LRGUK: variants seen among roughly 807,000 people sequenced by gnomAD.
LRGUK encodes the protein leucine rich repeats and guanylate kinase domain containing.
A neutral mutation model predicts 76.0 loss-of-function variants in LRGUK; 65 were observed. The ratio of observed to expected loss-of-function variants is 0.85; its 90% CI spans 0.70 to 1.05. The LOEUF (loss-of-function observed/expected upper bound fraction) is 1.05. LRGUK is among the 50% of genes least tolerant of loss of function. LRGUK has a pLI of 0.00. For missense variants in LRGUK, 758 were observed against 732.8 expected, an observed-to-expected ratio of 1.03 and a Z score of -0.40; for synonymous variants, 268 against 265.6, an observed-to-expected ratio of 1.01 and a Z score of -0.09.
downstream of LRGUK, chr7:134,210,370 A>G (rs1801202450): frequency 2.3e-5 from 9 of 397,580 alleles, no homozygotes; most frequent in Non-Finnish European, 4.0e-5. Flanking sequence ...AAGACCCCCA[A>G]TTACAAGAAG....
intron 2 of LRGUK, among the ~76,000 whole-genome samples, chr7:134,137,909 G>C (rs1194631358): frequency 6.6e-6 from 1 of 152,184 alleles, no homozygotes; most frequent in Non-Finnish European, 1.5e-5. Flanking sequence ...TGGCGAAAGG[G>C]TATGTAATTC....
At chr7:134,264,221 A>G (rs1802813830) in exon 20 of LRGUK, 3 of 354,402 alleles carry the variant, frequency 8.5e-6, no homozygotes, top group Non-Finnish European at 1.5e-5. Context: ...AATGTGAGTT[A>G]TTCTTAGCTT....
At chr7:134,209,182 C>T (rs1801133262) in exon 16 of LRGUK, 2 of 399,330 alleles carry the variant, frequency 5.0e-6, no homozygotes, top group East Asian at 7.1e-5. Context: ...CAGGCCAGGA[C>T]AAGGAGTCAG....
intron 5 of LRGUK, among the ~76,000 whole-genome samples, chr7:134,157,641 G>A (rs918428990): frequency 3.9e-5 from 6 of 152,272 alleles, no homozygotes; most frequent in Middle Eastern, 3.4e-3. Context: ...TCCTGCCTCA[G>A]CCTCCCGAGT....
At chr7:134,232,003 A>T (rs1426043801) in intron 16 of LRGUK, among the ~76,000 whole-genome samples, 1 of 151,340 alleles carries the variant, frequency 6.6e-6, no homozygotes, top group Non-Finnish European at 1.5e-5. Context: ...TTGAATTCTT[A>T]TCATGTATGT....
Position 134,154,412 on chromosome 7 carries a change from T to A in LRGUK, c.671-3623T>A, listed in dbSNP as rs12538357. On this transcript the variant is annotated intron_variant, in intron 5 of 15. Coordinates refer to ENST00000645682, the Ensembl canonical transcript of LRGUK. The stretch of plus-strand genomic sequence containing the variant: ...GGGGAGATAAAGATATTGAAGACCA[T>A]CTATGAACTCAAAGCTCTCTATGGC... 1.8e-3 allele frequency among the ~76,000 whole-genome samples: 268 copies of A among 152,280 alleles called. 4 individuals are homozygous for A. The highest frequency in any genetic ancestry group is 0.01 in the Admixed American group (156 of 15,296).
downstream of LRGUK, among the ~76,000 whole-genome samples, chr7:134,269,006 C>G (rs192511650): frequency 6.7e-3 from 1,017 of 152,112 alleles, 8 homozygotes; most frequent in Non-Finnish European, 0.01. Context: ...ACTGGGATTA[C>G]AGGCATGAGC....
At chr7:134,175,903 A>G (rs1295057130) in intron 8 of LRGUK, among the ~76,000 whole-genome samples, 2 of 152,184 alleles carry the variant, frequency 1.3e-5, no homozygotes, top group Non-Finnish European at 2.9e-5. Context: ...CAAATTCATA[A>G]TAATACAAAT....
intron 7 of LRGUK, among the ~76,000 whole-genome samples, chr7:134,173,103 A>C (rs146323136): frequency 5.4e-5 from 8 of 148,852 alleles, no homozygotes; most frequent in African/African-American, 2.0e-4. Flanking sequence ...AATAGAAAAC[A>C]ATTGATCCCT....
intron 7 of LRGUK, among the ~76,000 whole-genome samples, chr7:134,166,842 A>C (rs1390363250): frequency 6.6e-6 from 1 of 152,204 alleles, no homozygotes; most frequent in Non-Finnish European, 1.5e-5. Flanking sequence ...CCCGGCAAGC[A>C]ATGTGCATTA....
intron 12 of LRGUK, among the ~76,000 whole-genome samples, chr7:134,192,246 C>G (rs1222418): frequency 0.95 from 144,294 of 152,248 alleles, 68,631 homozygotes; most frequent in Non-Finnish European, 0.99. Context: ...GTCCCATTTA[C>G]TTGGCTTGTT....
chr7:134,165,225 C>A, intron 7 of LRGUK, among the ~76,000 whole-genome samples: 1 of 152,118 alleles, frequency 6.6e-6, no homozygotes, highest in Non-Finnish European at 1.5e-5. Context: ...TTCCTAAGTA[C>A]TTTATCTCAT....
intron 10 of LRGUK, among the ~76,000 whole-genome samples, chr7:134,180,298 A>G (rs199594777): frequency 0.23 from 694 of 3,038 alleles, 5 homozygotes; most frequent in Middle Eastern, 0.5. Context: ...CTGTCCATCC[A>G]TCCATCCATC....
Position 134,191,913 on chromosome 7 carries a change from C to T in LRGUK, c.1431+162C>T, listed in dbSNP as rs894430405. On this transcript the variant is annotated intron_variant, in intron 12 of 15. Coordinates refer to ENST00000645682, the Ensembl canonical transcript of LRGUK. ...TTTTTTTTTCTTAAAGTGCTTAATA[C>T]GTCATTCTTCACATGCTTTTTTATT... Among the ~76,000 whole-genome samples, 15 of 149,684 alleles carry T rather than the reference C, an allele frequency of 1.0e-4. No homozygotes were observed. The East Asian group carries it at 2.0e-3, about 19-fold the overall frequency.
intron 5 of LRGUK, among the ~76,000 whole-genome samples, chr7:134,155,055 G>T (rs952859717): frequency 1.3e-5 from 2 of 152,140 alleles, no homozygotes; most frequent in African/African-American, 4.8e-5. Context: ...CTTCATCTTG[G>T]TTGGGGTAGA....
chr7:134,226,628 A>G (rs1801771054), intron 16 of LRGUK, among the ~76,000 whole-genome samples: 1 of 152,184 alleles, frequency 6.6e-6, no homozygotes, highest in Admixed American at 6.5e-5. Flanking sequence ...AAAATGCGCT[A>G]ACTTTTGAAT....
downstream of LRGUK, among the ~76,000 whole-genome samples, chr7:134,265,229 T>C (rs968666438): frequency 2.6e-5 from 4 of 152,178 alleles, no homozygotes; most frequent in Admixed American, 1.3e-4. Context: ...TTATGAAATA[T>C]TTTAGGGACA....
At chr7:134,159,529 G>A (rs887315071) in intron 6 of LRGUK, among the ~76,000 whole-genome samples, 1 of 152,070 alleles carries the variant, frequency 6.6e-6, no homozygotes, top group African/African-American at 2.4e-5. Flanking sequence ...GGTGGCTTGC[G>A]CCTGTAATCC....
At chr7:134,243,010 A>C (rs746068198) in intron 16 of LRGUK, among the ~76,000 whole-genome samples, 5 of 152,234 alleles carry the variant, frequency 3.3e-5, no homozygotes, top group Admixed American at 1.3e-4. Context: ...ACAGCCCTTC[A>C]TGCTAAAAAC....
Sources: gnomAD v4.1 joint callset for allele counts (sites outside exome capture counted in the v4.1 genomes callset) on GRCh38, gnomAD v4.1.1 for gene constraint, MANE v1.5 for transcripts, NCBI Gene and HGNC (gene_info 2026-07-23, HGNC 2026-07-21) for gene names.